The following SLC8A1 variants were observed in gnomAD, a reference collection of about 807,000 sequenced individuals.
The protein encoded by SLC8A1 is solute carrier family 8 member A1.
A neutral mutation model predicts 68.3 loss-of-function variants in SLC8A1; 18 were observed. That is an observed-to-expected ratio of 0.26 (90% CI 0.18 to 0.39). SLC8A1 has a LOEUF of 0.39. SLC8A1 is among the 10% of genes least tolerant of loss of function. The probability of loss-of-function intolerance (pLI) is 1.00; values close to 1 mark genes in which losing one functional copy is unlikely to be tolerated. For missense variants in SLC8A1, 985 were observed against 1,156.7 expected, an observed-to-expected ratio of 0.85 and a Z score of 2.15; for synonymous variants, 475 against 415.5, an observed-to-expected ratio of 1.14 and a Z score of -1.74.
intron 2 of SLC8A1, among the ~76,000 whole-genome samples, chr2:40,241,752 A>C (rs2061252128): frequency 6.6e-6 from 1 of 152,164 alleles, no homozygotes; most frequent in Non-Finnish European, 1.5e-5. Context: ...AGAACTCCAC[A>C]GGCTTTGAGA....
chr2:40,200,704 C>T (rs1451578838), intron 2 of SLC8A1, among the ~76,000 whole-genome samples: 1 of 151,696 alleles, frequency 6.6e-6, no homozygotes, highest in Non-Finnish European at 1.5e-5. Flanking sequence ...TGAAGACATT[C>T]CTTGCTGACC....
At chr2:40,475,730 G>A (rs1238942703) in intron 1 of SLC8A1, among the ~76,000 whole-genome samples, 1 of 151,776 alleles carries the variant, frequency 6.6e-6, no homozygotes, top group African/African-American at 2.4e-5. Context: ...CCAAAATAAA[G>A]CTCTTTAGTT....
intron 2 of SLC8A1, chr2:40,250,522 G>A (rs1034384980): frequency 3.4e-5 from 5 of 148,810 alleles, no homozygotes; most frequent in East Asian, 1.9e-4. Flanking sequence ...AAGTGCAAGC[G>A]TGGGGGGGCG....
chr2:40,511,919 G>C (rs1326538079), intron 1 of SLC8A1, among the ~76,000 whole-genome samples: 1 of 152,168 alleles, frequency 6.6e-6, no homozygotes, highest in African/African-American at 2.4e-5. Context: ...GGAAGAACTA[G>C]TCACACATGC....
intron 2 of SLC8A1, among the ~76,000 whole-genome samples, chr2:40,412,921 C>T (rs554463157): frequency 6.6e-6 from 1 of 151,966 alleles, no homozygotes; most frequent in East Asian, 1.9e-4. Context: ...TTTTATTATA[C>T]TTTAAGTTTT....
chr2:40,312,289 T>C (rs912828592), intron 2 of SLC8A1, among the ~76,000 whole-genome samples: 1 of 152,096 alleles, frequency 6.6e-6, no homozygotes, highest in African/African-American at 2.4e-5. Context: ...AAAGCTACAA[T>C]AGATCATGAT....
intron 2 of SLC8A1, among the ~76,000 whole-genome samples, chr2:40,283,515 T>G (rs770802833): frequency 1.2e-4 from 18 of 152,310 alleles, no homozygotes; most frequent in Admixed American, 3.3e-4. Flanking sequence ...CAGCTGCCAA[T>G]AGCACTGAGA....
intron 2 of SLC8A1, among the ~76,000 whole-genome samples, chr2:40,413,583 C>T (rs1692862132): frequency 6.6e-6 from 1 of 152,108 alleles, no homozygotes; most frequent in Non-Finnish European, 1.5e-5. Context: ...GCTTTACATC[C>T]TATACTTGTT....
intron 2 of SLC8A1, among the ~76,000 whole-genome samples, chr2:40,383,525 A>C (rs1682593921): frequency 6.6e-6 from 1 of 152,096 alleles, no homozygotes; most frequent in Non-Finnish European, 1.5e-5. Flanking sequence ...ACCTGTGTTA[A>C]ATAATTATAT....
chr2:40,240,214 A>G (rs911796132), intron 2 of SLC8A1, among the ~76,000 whole-genome samples: 1 of 152,256 alleles, frequency 6.6e-6, no homozygotes, highest in Non-Finnish European at 1.5e-5. Flanking sequence ...TACAGAGAGT[A>G]CTTATTATGT....
chr2:40,394,335 A>G (rs1320681411), intron 2 of SLC8A1, among the ~76,000 whole-genome samples: 1 of 152,046 alleles, frequency 6.6e-6, no homozygotes, highest in African/African-American at 2.4e-5. Context: ...TCTGCCCAAT[A>G]AGCTAGTAAG....
chr2:40,394,108 C>G (rs1187060003), intron 2 of SLC8A1, among the ~76,000 whole-genome samples: 1 of 152,016 alleles, frequency 6.6e-6, no homozygotes, highest in East Asian at 1.9e-4. Context: ...GTGCACAGGA[C>G]AGCCCCCCAC....
At chr2:40,323,782 T>C (rs2075490051) in intron 2 of SLC8A1, among the ~76,000 whole-genome samples, 1 of 152,090 alleles carries the variant, frequency 6.6e-6, no homozygotes, top group African/African-American at 2.4e-5. Flanking sequence ...TTTAGAAATA[T>C]TTTTAAATGT....
chr2:40,167,630 T>A lies in SLC8A1; in HGVS notation c.1931-2646A>T, dbSNP rs372212425. 8.6e-4 allele frequency among the ~76,000 whole-genome samples: 131 copies of A among 152,312 alleles called. 6 individuals carry two copies. In the South Asian group the frequency reaches 0.019, roughly 22 times the overall value. Reference sequence around the variant, plus strand: ...CTCTTGCTTCAAAGGGACTTAGATTTCTTAATTCCACACTTTTATCCCTTT... The same window carrying A: ...CTCTTGCTTCAAAGGGACTTAGATTACTTAATTCCACACTTTTATCCCTTT... On this transcript the variant is annotated intron_variant, in intron 4 of 7. Coordinates refer to ENST00000406785, the Ensembl canonical transcript of SLC8A1.
chr2:40,209,252 G>C (rs1386812493), intron 2 of SLC8A1: 3 of 152,324 alleles, frequency 2.0e-5, no homozygotes, highest in Non-Finnish European at 4.4e-5. Flanking sequence ...TTTGAGAAAA[G>C]AGTGTGAGGA....
chr2:40,251,357 C>T (rs1329291224), intron 2 of SLC8A1: 1 of 152,100 alleles, frequency 6.6e-6, no homozygotes, highest in Non-Finnish European at 1.5e-5. Flanking sequence ...GGCAATACTG[C>T]TAATGTGGAA....
chr2:40,153,009 T>C (rs2043745680), intron 6 of SLC8A1, among the ~76,000 whole-genome samples: 1 of 152,086 alleles, frequency 6.6e-6, no homozygotes, highest in Non-Finnish European at 1.5e-5. Context: ...AACTGAGATT[T>C]CAAATTTCCA....
intron 6 of SLC8A1, among the ~76,000 whole-genome samples, chr2:40,148,645 T>C (rs972705793): frequency 3.9e-5 from 6 of 152,204 alleles, no homozygotes; most frequent in Non-Finnish European, 8.8e-5. Context: ...TAAGGTCCCA[T>C]GATTTACTTG....
chr2:40,265,778 T>C (rs1447587440), intron 2 of SLC8A1, among the ~76,000 whole-genome samples: 2 of 152,126 alleles, frequency 1.3e-5, no homozygotes, highest in Admixed American at 6.6e-5. Context: ...GCTCCCTTCA[T>C]ATATTACTGG....
Sources: gnomAD v4.1 joint callset for allele counts (sites outside exome capture counted in the v4.1 genomes callset) on GRCh38, gnomAD v4.1.1 for gene constraint, MANE v1.5 for transcripts, NCBI Gene and HGNC (gene_info 2026-07-23, HGNC 2026-07-21) for gene names.